FAR2: variants seen among roughly 807,000 people sequenced by gnomAD.
FAR2 encodes fatty acyl-CoA reductase 2.
In FAR2, 19 loss-of-function variants were observed where a neutral mutation model predicts 56.0. The observed-to-expected ratio is 0.34, with a 90% CI of 0.24 to 0.50. The LOEUF (loss-of-function observed/expected upper bound fraction) is 0.50, where lower values mean the gene tolerates loss of function less well. Ranked by LOEUF, FAR2 falls within the 20% of genes least tolerant of loss-of-function variation. FAR2 has a pLI of 0.98. For missense variants in FAR2, 508 were observed against 642.2 expected (o/e 0.79, Z 2.26); for synonymous variants, 219 against 218.8 (o/e 1.00, Z -0.01).
At chr12:29,331,427 A>G (rs1313630147) in intron 10 of FAR2, 1 of 152,072 alleles carries the variant, frequency 6.6e-6, no homozygotes, top group Non-Finnish European at 1.5e-5. Context: ...AACTCTATTG[A>G]ACCAAATCCA....
chr12:29,236,903 G>A (rs767268779), intron 1 of FAR2, among the ~76,000 whole-genome samples: 2 of 151,946 alleles, frequency 1.3e-5, no homozygotes, highest in African/African-American at 4.8e-5. Context: ...TGTTGTCATC[G>A]TTAACTAGCT....
chr12:29,241,219 G>A (rs944689773), intron 1 of FAR2, among the ~76,000 whole-genome samples: 12 of 152,194 alleles, frequency 7.9e-5, no homozygotes, highest in African/African-American at 2.9e-4. Context: ...AATATAATGT[G>A]TGGATGCTTT....
In FAR2 at chr12:29,333,881, G is replaced by T; in HGVS notation, c.*87G>T. On this transcript the variant is annotated 3_prime_UTR_variant, in exon 12 of 12. Transcript: ENST00000536681. ...GATTCTCAAGATTAGAAAGTAACAA[G>T]GAATATGCCCAAACTGTCAAATGTC... 1 of 1,258,060 alleles carries T rather than the reference G, an allele frequency of 7.9e-7. No homozygotes were observed. The allele number at this position is 1,258,060 out of a possible 1,614,324, so 77.9% of individuals were successfully genotyped here.
Position 29,179,578 on chromosome 12 carries a change from C to T in FAR2, c.-39+30171C>T, listed in dbSNP as rs542822392. 6.6e-4 allele frequency among the ~76,000 whole-genome samples: 101 copies of T among 152,298 alleles called. 1 individual carries two copies. Among genetic ancestry groups the T allele is most frequent in the African/African-American group, 2.4e-3 (101 of 41,560 alleles). On this transcript the variant is annotated intron_variant, in intron 1 of 11. Transcript: ENST00000536681. ...ACCCCGACCTATCATACTAAGACTC[C>T]TTTGTTCACTTTCCACAACATCAGA...
chr12:29,195,141 T>C (rs1950134636), intron 1 of FAR2, among the ~76,000 whole-genome samples: 1 of 152,214 alleles, frequency 6.6e-6, no homozygotes, highest in Non-Finnish European at 1.5e-5. Flanking sequence ...AAACATTATT[T>C]GATGTTGGAG....
chr12:29,202,981 T>C (rs1037618864), intron 1 of FAR2, among the ~76,000 whole-genome samples: 2 of 152,224 alleles, frequency 1.3e-5, no homozygotes, highest in Non-Finnish European at 2.9e-5. Context: ...AATATCTTCA[T>C]AGAAAATCTG....
chr12:29,216,419 G>A (rs189703680), intron 1 of FAR2, among the ~76,000 whole-genome samples: 1 of 152,240 alleles, frequency 6.6e-6, no homozygotes, highest in African/African-American at 2.4e-5. Context: ...GGAGTTGATG[G>A]GGATTGGGGA....
chr12:29,300,204 G>A (rs1949140144), intron 4 of FAR2, among the ~76,000 whole-genome samples: 1 of 152,210 alleles, frequency 6.6e-6, no homozygotes, highest in South Asian at 2.1e-4. Flanking sequence ...TTGGGATGCA[G>A]AAGTCTTATG....
intron 1 of FAR2, among the ~76,000 whole-genome samples, chr12:29,230,761 C>G (rs1226873489): frequency 1.3e-5 from 2 of 151,968 alleles, no homozygotes; most frequent in Non-Finnish European, 2.9e-5. Flanking sequence ...CAAGGGTGGC[C>G]TCAACATCTT....
At chr12:29,277,797 A>C (rs1430740463) in intron 2 of FAR2, 1 of 152,224 alleles carries the variant, frequency 6.6e-6, no homozygotes, top group Admixed American at 6.5e-5. Context: ...GCAAAAATTT[A>C]TAGAAGTATA....
intron 10 of FAR2, among the ~76,000 whole-genome samples, chr12:29,324,751 A>C (rs1385229714): frequency 6.6e-6 from 1 of 152,206 alleles, no homozygotes; most frequent in Non-Finnish European, 1.5e-5. Context: ...TGAAGGAAGC[A>C]CTAAACATGG....
chr12:29,190,813 C>T (rs1242340626), intron 1 of FAR2, among the ~76,000 whole-genome samples: 1 of 152,154 alleles, frequency 6.6e-6, no homozygotes, highest in Non-Finnish European at 1.5e-5. Flanking sequence ...CATTTCCTCA[C>T]TGCTCTTGAG....
chr12:29,159,824 AG>A (rs1209991385), intron 1 of FAR2, among the ~76,000 whole-genome samples: 16 of 152,198 alleles, frequency 1.1e-4, no homozygotes, highest in Admixed American at 4.6e-4. Context: ...TTGTGGGGAA[AG>A]TGAGAGGGGA....
chr12:29,268,185 G>GT (rs1644257611), intron 1 of FAR2, among the ~76,000 whole-genome samples: 1 of 152,104 alleles, frequency 6.6e-6, no homozygotes, highest in Non-Finnish European at 1.5e-5. Flanking sequence ...ACTTCTAGTT[G>GT]TTTTTTTCTT....
intron 1 of FAR2, among the ~76,000 whole-genome samples, chr12:29,250,359 C>G (rs559402449): frequency 6.6e-6 from 1 of 152,242 alleles, no homozygotes; most frequent in Non-Finnish European, 1.5e-5. Flanking sequence ...ATTAAGGCAG[C>G]TCTGTGGGAT....
At position 29,316,058 on chromosome 12, in the gene FAR2, T is replaced by A. The variant is rs73065538; in HGVS notation, c.956-783T>A. Among the ~76,000 whole-genome samples the A allele has an allele frequency of 5.6e-3, 847 of 152,256 alleles. 9 individuals are homozygous for A. The highest frequency in any genetic ancestry group is 0.034 in the Middle Eastern group (10 of 294). On this transcript the variant is annotated intron_variant, in intron 8 of 11. Transcript: ENST00000536681. ...TATAGGATTTATATTTTCAGACAGA[T>A]TTTAGCTGGTATTTTTTTAAGGAGG...
intron 10 of FAR2, among the ~76,000 whole-genome samples, chr12:29,324,485 A>C (rs888426671): frequency 9.9e-5 from 15 of 152,244 alleles, no homozygotes; most frequent in African/African-American, 3.6e-4. Flanking sequence ...AAAAGTGTTA[A>C]GAGCAGCCAG....
intron 10 of FAR2, among the ~76,000 whole-genome samples, chr12:29,329,510 T>C (rs1949699598): frequency 6.6e-6 from 1 of 152,192 alleles, no homozygotes; most frequent in African/African-American, 2.4e-5. Flanking sequence ...TCAGTTTGAA[T>C]TGCCATATGG....
At chr12:29,260,554 G>A (rs1261500253) in intron 1 of FAR2, among the ~76,000 whole-genome samples, 1 of 152,160 alleles carries the variant, frequency 6.6e-6, no homozygotes, top group Non-Finnish European at 1.5e-5. Context: ...CTTCAGGTGT[G>A]ACCCAGTGCA....
Sources: allele counts gnomAD v4.1 joint callset (sites outside exome capture counted in the v4.1 genomes callset), GRCh38; gene constraint gnomAD v4.1.1; transcripts MANE v1.5; gene names NCBI Gene and HGNC (gene_info 2026-07-23, HGNC 2026-07-21).